Variants in POU6F2 observed in about 807,000 individuals in gnomAD.
POU6F2 encodes the protein POU domain, class 6, transcription factor 2.
POU6F2 carries 31 observed loss-of-function variants against 71.3 expected under a neutral mutation model. The ratio of observed to expected loss-of-function variants is 0.43; its 90% CI spans 0.33 to 0.59. The LOEUF (loss-of-function observed/expected upper bound fraction) is 0.59. Among genes scored for constraint, POU6F2 ranks in the 20% least tolerant of loss-of-function variants. POU6F2 has a pLI of 0.04. For synonymous variants in POU6F2, 347 were observed against 355.7 expected (o/e 0.98, Z 0.27); for missense variants, 783 against 856.8 (o/e 0.91, Z 1.07).
At position 39,227,383 on chromosome 7, in the gene POU6F2, T is replaced by C. The variant is rs191039361; in HGVS notation, c.598+19763T>C. Among the ~76,000 whole-genome samples the C allele has an allele frequency of 2.5e-3, 386 of 152,242 alleles. 2 individuals carry two copies. The highest frequency in any genetic ancestry group is 8.7e-3 in the African/African-American group (363 of 41,564). On this transcript the variant is annotated intron_variant, in intron 4 of 9. Transcript: ENST00000518318. ...ATTTCAGGAAGTTAAAATTGTATCA[T>C]GTTGATTTCAACCAGAGTGGCAGCT...
chr7:39,039,613 T>G (rs1790138499), intron 1 of POU6F2, among the ~76,000 whole-genome samples: 1 of 151,944 alleles, frequency 6.6e-6, no homozygotes, highest in Non-Finnish European at 1.5e-5. Context: ...TATCAATTAC[T>G]TAAATAACTT....
chr7:39,006,081 G>A (rs1419328972), intron 1 of POU6F2, among the ~76,000 whole-genome samples: 2 of 152,152 alleles, frequency 1.3e-5, no homozygotes, highest in African/African-American at 4.8e-5. Flanking sequence ...CATGATAAGG[G>A]GTAAGGGGCC....
At chr7:39,016,040 T>A (rs1188944328) in intron 1 of POU6F2, among the ~76,000 whole-genome samples, 14 of 54,566 alleles carry the variant, frequency 2.6e-4, no homozygotes, top group Admixed American at 6.3e-4. Context: ...TAGATATATA[T>A]TATATATTAT....
chr7:39,062,806 C>T (rs922189779), intron 1 of POU6F2, among the ~76,000 whole-genome samples: 1 of 150,952 alleles, frequency 6.6e-6, no homozygotes, highest in African/African-American at 2.4e-5. Flanking sequence ...AATCCCAGCA[C>T]TTTGGGAGGC....
chr7:39,425,525 T>A (rs1787949345), intron 6 of POU6F2, among the ~76,000 whole-genome samples: 1 of 152,186 alleles, frequency 6.6e-6, no homozygotes, highest in Admixed American at 6.5e-5. Flanking sequence ...TTCAAAATCT[T>A]CAGAGGAACT....
chr7:39,178,010 C>T (rs1793364211), intron 2 of POU6F2, among the ~76,000 whole-genome samples: 1 of 152,100 alleles, frequency 6.6e-6, no homozygotes, highest in Non-Finnish European at 1.5e-5. Context: ...AATCATAGCA[C>T]TTTGGGAGGC....
At chr7:39,374,085 C>T (rs754236430) in intron 5 of POU6F2, among the ~76,000 whole-genome samples, 124 of 152,066 alleles carry the variant, frequency 8.2e-4, no homozygotes, top group Non-Finnish European at 1.3e-3. Context: ...AATATTGGGG[C>T]AAAGGGAGAT....
Position 39,249,352 on chromosome 7 carries a change from C to T in POU6F2, c.598+41732C>T, listed in dbSNP as rs572579591. Reference sequence around the variant, plus strand: ...GTTCGGCCCTGGTCTCTCTCCTGAGCTCTGCAGCACCCCTGGAATGTGTGC... The same window carrying T: ...GTTCGGCCCTGGTCTCTCTCCTGAGTTCTGCAGCACCCCTGGAATGTGTGC... On this transcript the variant is annotated intron_variant, in intron 4 of 9. Transcript: ENST00000518318. Among the ~76,000 whole-genome samples, 47 of 152,298 alleles carry T rather than the reference C, an allele frequency of 3.1e-4. 1 individual carries two copies. The South Asian group carries it at 8.7e-3, about 28-fold the overall frequency.
At chr7:39,459,242 T>A (rs143191036) in intron 8 of POU6F2, among the ~76,000 whole-genome samples, 130 of 152,358 alleles carry the variant, frequency 8.5e-4, no homozygotes, top group Non-Finnish European at 1.4e-3. Flanking sequence ...AGGACTTTTG[T>A]CGTTGTTGTT....
At chr7:39,068,165 T>C (rs1264357620) in intron 1 of POU6F2, among the ~76,000 whole-genome samples, 3 of 152,210 alleles carry the variant, frequency 2.0e-5, no homozygotes, top group Non-Finnish European at 4.4e-5. Context: ...TATTGATATT[T>C]ATCTATGTAG....
intron 5 of POU6F2, among the ~76,000 whole-genome samples, chr7:39,360,744 A>G (rs1161734000): frequency 2.0e-5 from 3 of 152,236 alleles, no homozygotes; most frequent in Non-Finnish European, 4.4e-5. Context: ...TTATTTCTTG[A>G]TGATATGCTA....
intron 2 of POU6F2, among the ~76,000 whole-genome samples, chr7:39,199,893 A>T (rs147822108): frequency 5.1e-4 from 78 of 152,360 alleles, no homozygotes; most frequent in African/African-American, 1.8e-3. Flanking sequence ...TCCATAATAG[A>T]TTCAAAACAG....
chr7:39,355,359 A>G (rs1210397576), intron 5 of POU6F2, among the ~76,000 whole-genome samples: 1 of 152,236 alleles, frequency 6.6e-6, no homozygotes, highest in Non-Finnish European at 1.5e-5. Context: ...TTTAAGTGAT[A>G]TACAAATGAA....
At chr7:39,409,680 C>T (rs552682603) in intron 6 of POU6F2, among the ~76,000 whole-genome samples, 20 of 151,926 alleles carry the variant, frequency 1.3e-4, no homozygotes, top group African/African-American at 4.1e-4. Context: ...CAGATGTCCT[C>T]GGCTGGGCAG....
At chr7:39,085,631 G>A in intron 1 of POU6F2, 1 of 427,468 alleles carries the variant, frequency 2.3e-6, no homozygotes, top group Admixed American at 3.5e-5. Flanking sequence ...TGCTAGTTGA[G>A]CTTTAATAGG....
chr7:39,394,863 G>T (rs2190892), intron 5 of POU6F2, among the ~76,000 whole-genome samples: 50,220 of 151,856 alleles, frequency 0.33, 8,686 homozygotes, highest in East Asian at 0.6. Context: ...GTACCCATTG[G>T]CTCTTGTCTG....
intron 4 of POU6F2, among the ~76,000 whole-genome samples, chr7:39,212,503 A>T (rs2128746941): frequency 6.6e-6 from 1 of 152,236 alleles, no homozygotes; most frequent in Non-Finnish European, 1.5e-5. Context: ...ATGTGAAATA[A>T]GTGAGTTCTG....
At chr7:39,008,631 T>C (rs1285586772) in intron 1 of POU6F2, among the ~76,000 whole-genome samples, 2 of 151,296 alleles carry the variant, frequency 1.3e-5, no homozygotes, top group African/African-American at 4.8e-5. Context: ...GCCTAGGTTT[T>C]CTTCTAGGGT....
chr7:39,299,944 G>A (rs763751525), intron 4 of POU6F2, among the ~76,000 whole-genome samples: 12 of 152,184 alleles, frequency 7.9e-5, no homozygotes, highest in Non-Finnish European at 4.4e-5. Context: ...CCCCCAGCCA[G>A]GAGGCAGAGA....
Sources: gnomAD v4.1 joint callset for allele counts (sites outside exome capture counted in the v4.1 genomes callset) on GRCh38, gnomAD v4.1.1 for gene constraint, MANE v1.5 for transcripts, NCBI Gene and HGNC (gene_info 2026-07-23, HGNC 2026-07-21) for gene names.